Variants in UBE2S observed in about 807,000 individuals in gnomAD.
UBE2S encodes the protein ubiquitin-conjugating enzyme E2 S.
A neutral mutation model predicts 12.3 loss-of-function variants in UBE2S; 3 were observed. The ratio of observed to expected loss-of-function variants is 0.24; its 90% CI spans 0.11 to 0.63. The LOEUF is 0.63. UBE2S is among the 30% of genes least tolerant of loss of function. The pLI, the probability that UBE2S is intolerant of heterozygous loss-of-function variation, is 0.85. For synonymous variants in UBE2S, 133 were observed against 142.0 expected (o/e 0.94, Z 0.45); for missense variants, 211 against 313.9 (o/e 0.67, Z 2.48).
intron 2 of UBE2S, among the ~76,000 whole-genome samples, chr19:55,405,350 A>C (rs1186780550): frequency 6.6e-6 from 1 of 151,966 alleles, no homozygotes; most frequent in Non-Finnish European, 1.5e-5. Flanking sequence ...TCTACTAAAA[A>C]TACAAAAAAT....
intron 3 of UBE2S, among the ~76,000 whole-genome samples, chr19:55,402,513 AAG>A (rs1254889510): frequency 6.6e-6 from 1 of 152,164 alleles, no homozygotes; most frequent in African/African-American, 2.4e-5. Flanking sequence ...GGATCCTCTG[AAG>A]TGGGTCTGGG....
At chr19:55,403,325 A>G in intron 3 of UBE2S, 1 of 531,594 alleles carries the variant, frequency 1.9e-6, no homozygotes, top group South Asian at 2.6e-5. Context: ...TCTGCAAACC[A>G]TAAAAATATA....
rs146428513 is a variant in UBE2S, at chr19:55,400,813, C to T, written c.*623G>A. 1,249 of 152,852 alleles carry T rather than the reference C, an allele frequency of 8.2e-3. 13 individuals are homozygous for T. Among genetic ancestry groups the T allele is most frequent in the Admixed American group, 0.016 (247 of 15,352 alleles). 9.5% of individuals were successfully genotyped at this position (152,852 alleles called of 1,614,324 possible). ...TGTTGTGCAGAAATACATGTGGGAA[C>T]AGGCTTTGCTGCCCACAAGGGAAAA... On this transcript the variant is annotated 3_prime_UTR_variant, in exon 4 of 4. Transcript: ENST00000264552.
In UBE2S at chr19:55,404,438, G is replaced by T. The variant is rs756443360; in HGVS notation, c.192C>A (p.Leu64=). The T allele has an allele frequency of 1.9e-6, 3 of 1,612,374 alleles. No homozygotes were observed. In the African/African-American group the frequency reaches 4.0e-5, roughly 22 times the overall value. ...AGGCAGGGAAGTCCTTCCCCAGCAG[G>T]AGTTTCATGCGGAACAGACCTCCAG... ...PYAGGLFRMK[L]LLGKDFPASP... The change falls in exon 3 of 4, where the codon CTC becomes CTA. Residue 64 remains leucine, a synonymous_variant. Transcript: ENST00000264552. This position sits in a 1 kb window ranked among gnomAD's most constrained non-coding sequence, Gnocchi z 4.4.
At chr19:55,405,149 G>C (rs35036921) in intron 2 of UBE2S, among the ~76,000 whole-genome samples, 27 of 148,804 alleles carry the variant, frequency 1.8e-4, no homozygotes, top group African/African-American at 6.0e-4. Context: ...TGGGGAGGTT[G>C]CAGTGTGCGG....
rs974104018 is a variant in UBE2S at position 55,400,513 on chromosome 19, C to G, written c.*923G>C. The G allele has an allele frequency of 6.6e-6, 1 of 152,188 alleles. No individual in the cohort carries two copies. The highest frequency in any genetic ancestry group is 2.4e-5 in the African/African-American group (1 of 41,432). 9.4% of individuals were successfully genotyped at this position (152,188 alleles called of 1,614,324 possible). On this transcript the variant is annotated 3_prime_UTR_variant, in exon 4 of 4. Coordinates refer to ENST00000264552, the MANE Select transcript of UBE2S (RefSeq NM_014501.3). ...ACTTAAGTATCTGGATGGGCCTGAC[C>G]TAATCCGGTGAGCACCTCAAAGGGA...
chr19:55,406,722 A>T, intron 2 of UBE2S, 93 bp downstream of exon 2: 1 of 1,487,376 alleles, frequency 6.7e-7, no homozygotes, highest in Non-Finnish European at 9.0e-7. Flanking sequence ...ACACGAGGCC[A>T]GCCTGTAATG....
In UBE2S at chr19:55,406,720, C is replaced by A. The variant is rs543240539; in HGVS notation, c.151+95G>T. 1.1e-5 allele frequency: 16 copies of A among 1,483,324 alleles called. No individual in the cohort carries two copies. In the East Asian group the frequency reaches 2.8e-4, roughly 26 times the overall value. The allele number at this position is 1,483,324 out of a possible 1,614,324, so 91.9% of individuals were successfully genotyped here. On this transcript the variant is annotated intron_variant, in intron 2 of 3. Transcript: ENST00000264552. ...ATGCATCCCAACACCTGACACGAGGCCAGCCTGTAATGGGTACTTCCCGCT... is the reference window on the plus strand; with the variant it reads ...ATGCATCCCAACACCTGACACGAGGACAGCCTGTAATGGGTACTTCCCGCT...
chr19:55,402,806 G>A (rs1451282781), intron 3 of UBE2S: 2 of 680,898 alleles, frequency 2.9e-6, no homozygotes, highest in East Asian at 2.8e-5. Context: ...GTACATGTGG[G>A]AGGGAAGGGT....
chr19:55,406,856 T>C lies in UBE2S; in HGVS notation c.110A>G (p.Glu37Gly), dbSNP rs376302634. The change falls in exon 2 of 4, where the codon GAG becomes GGG. Residue 37 changes from glutamate (E) to glycine (G), a missense_variant. Around this residue, in one of 2 missense-constraint regions of UBE2S, gnomAD observed 127 missense variants for 224.0 expected, o/e 0.57. Transcript: ENST00000264552. ...PPDGIKVFPN[E>G]EDLTDLQVTI... is the part of the protein sequence containing the mutation. ...GACCTGGAGGTCGGTGAGGTCCTCCTCGTTGGGAAAGACCTTGATGCCATC... is the reference window on the plus strand; with the variant it reads ...GACCTGGAGGTCGGTGAGGTCCTCCCCGTTGGGAAAGACCTTGATGCCATC... 1 of 1,613,770 alleles carries C rather than the reference T, an allele frequency of 6.2e-7. No homozygotes were observed. Among genetic ancestry groups the C allele is most frequent in the East Asian group, 2.2e-5 (1 of 44,858 alleles).
rs1266273146 is a variant in UBE2S at position 55,401,427 on chromosome 19, G to A, written c.*9C>T. On this transcript the variant is annotated 3_prime_UTR_variant, in exon 4 of 4. Coordinates refer to ENST00000264552, the MANE Select transcript of UBE2S (RefSeq NM_014501.3). Reference sequence around the variant, plus strand: ...GTTGGGGTCACGGTGGAAGGAGGAAGAGAGCCCACTACAGCCGCCGCAGCG... The same window carrying A: ...GTTGGGGTCACGGTGGAAGGAGGAAAAGAGCCCACTACAGCCGCCGCAGCG... 1.9e-6 allele frequency: 3 copies of A among 1,587,764 alleles called. No individual in the cohort carries two copies. Among genetic ancestry groups the A allele is most frequent in the Admixed American group, 1.7e-5 (1 of 58,406 alleles).
At chr19:55,407,303 T>C (rs2090103053) in intron 1 of UBE2S, among the ~76,000 whole-genome samples, 1 of 151,510 alleles carries the variant, frequency 6.6e-6, no homozygotes, top group Admixed American at 6.6e-5. Flanking sequence ...TAGAGCATCC[T>C]TGAAACCCCG....
At chr19:55,403,538 A>G (rs1394623110) in intron 3 of UBE2S, among the ~76,000 whole-genome samples, 5 of 151,974 alleles carry the variant, frequency 3.3e-5, no homozygotes, top group African/African-American at 1.2e-4. Context: ...AAGGAAAGAA[A>G]GAAGAAAGAA....
At position 55,400,240 on chromosome 19, in the gene UBE2S, G is replaced by A. The variant is rs1328567055; in HGVS notation, c.*1196C>T. On this transcript the variant is annotated 3_prime_UTR_variant, in exon 4 of 4. Transcript: ENST00000264552. ...GGATCTCACTGTGTTGCCCACGTTCGTCTTTAACTCCTGGCCTCAAGTGAT... is the reference window on the plus strand; with the variant it reads ...GGATCTCACTGTGTTGCCCACGTTCATCTTTAACTCCTGGCCTCAAGTGAT... 2.0e-5 allele frequency: 3 copies of A among 152,150 alleles called. No individual in the cohort carries two copies. Among genetic ancestry groups the A allele is most frequent in the East Asian group, 3.8e-4 (2 of 5,200 alleles). The allele number at this position is 152,150 out of a possible 1,614,324, so 9.4% of individuals were successfully genotyped here. A position where few individuals can be genotyped will look rare whatever the true frequency, so the allele number is the denominator to read the frequency against.
intron 3 of UBE2S, chr19:55,403,988 C>T (rs1307204325): frequency 6.1e-6 from 2 of 325,284 alleles, no homozygotes; most frequent in Admixed American, 9.3e-5. Flanking sequence ...TGATCCACCA[C>T]ACCTGGCCTA....
Position 55,400,350 on chromosome 19 carries a change from G to A in UBE2S, c.*1086C>T, listed in dbSNP as rs1228430903. Reference sequence around the variant, plus strand: ...ATTTTTTTAAAATTAATGAGACATTGGTCTAAATAACCTAAACGCATTAAT... The same window carrying A: ...ATTTTTTTAAAATTAATGAGACATTAGTCTAAATAACCTAAACGCATTAAT... On this transcript the variant is annotated 3_prime_UTR_variant, in exon 4 of 4. Coordinates refer to ENST00000264552, the MANE Select transcript of UBE2S (RefSeq NM_014501.3). 1 of 152,076 alleles carries A rather than the reference G, an allele frequency of 6.6e-6. No individual in the cohort carries two copies. Among genetic ancestry groups the A allele is most frequent in the African/African-American group, 2.4e-5 (1 of 41,396 alleles). The allele number at this position is 152,076 out of a possible 1,614,324, so 9.4% of individuals were successfully genotyped here.
intron 1 of UBE2S, 64 bp from the exon 2 acceptor site, chr19:55,407,026 A>T: frequency 1.3e-6 from 2 of 1,573,424 alleles, no homozygotes; most frequent in Non-Finnish European, 1.7e-6. Flanking sequence ...CAGGGCCTAA[A>T]GATGCTGAGA....
Position 55,400,996 on chromosome 19 carries a change from A to C in UBE2S, c.*440T>G. 3 of 170,456 alleles carry C rather than the reference A, an allele frequency of 1.8e-5. No individual in the cohort carries two copies. The highest frequency in any genetic ancestry group is 2.6e-5 in the Non-Finnish European group (2 of 78,342). The allele number at this position is 170,456 out of a possible 1,614,324, so 10.6% of individuals were successfully genotyped here. On this transcript the variant is annotated 3_prime_UTR_variant, in exon 4 of 4. Coordinates refer to ENST00000264552, the MANE Select transcript of UBE2S (RefSeq NM_014501.3). ...GCCACACCAACGTGGCCATTATTCTAGAGGGAGAAGTATAGGGCAGTGCCG... is the reference window on the plus strand; with the variant it reads ...GCCACACCAACGTGGCCATTATTCTCGAGGGAGAAGTATAGGGCAGTGCCG...
At chr19:55,407,504 G>T in intron 1 of UBE2S, 83 bp downstream of exon 1, 5 of 1,445,092 alleles carry the variant, frequency 3.5e-6, no homozygotes, top group African/African-American at 1.5e-5. Context: ...CCTCAAGGCC[G>T]CCCGTCGGAG....
Sources: gnomAD v4.1 joint callset for allele counts (sites outside exome capture counted in the v4.1 genomes callset) on GRCh38, gnomAD v4.1.1 for gene constraint, gnomAD v4.1.1 regional missense constraint, Gnocchi (gnomAD v3.1) non-coding constraint, MANE v1.5 for transcripts, NCBI Gene and HGNC (gene_info 2026-07-23, HGNC 2026-07-21) for gene names.